EIF3E: variants seen among roughly 807,000 people sequenced by gnomAD.
EIF3E encodes eukaryotic translation initiation factor 3 subunit E, also known as eIF-3 p48.
A neutral mutation model predicts 59.3 loss-of-function variants in EIF3E; 25 were observed. The ratio of observed to expected loss-of-function variants is 0.42; its 90% CI spans 0.31 to 0.59. EIF3E has a LOEUF of 0.59. Among genes scored for constraint, EIF3E ranks in the 20% least tolerant of loss-of-function variants. The pLI, the probability that EIF3E is intolerant of heterozygous loss-of-function variation, is 0.15. For synonymous variants in EIF3E, 176 were observed against 170.2 expected (o/e 1.03, Z -0.26); for missense variants, 317 against 534.3 (o/e 0.59, Z 4.01).
intron 2 of EIF3E, among the ~76,000 whole-genome samples, chr8:108,240,756 C>T (rs1029843730): frequency 6.6e-6 from 1 of 152,132 alleles, no homozygotes; most frequent in Non-Finnish European, 1.5e-5. Context: ...CCAAGGCGGG[C>T]TGATCACGAG....
rs113378357 is a variant in EIF3E at position 108,228,192 on chromosome 8, A to C, written c.722+75T>G. The C allele has an allele frequency of 1.3e-3, 1,796 of 1,397,910 alleles. 26 individuals carry two copies. In the African/African-American group the frequency reaches 0.024, roughly 18 times the overall value. 86.6% of individuals were successfully genotyped at this position (1,397,910 alleles called of 1,614,324 possible). A position where few individuals can be genotyped will look rare whatever the true frequency, so the allele number is the denominator to read the frequency against. On this transcript the variant is annotated intron_variant, in intron 7 of 12. Transcript: ENST00000220849. ...ACAACAAATTCAAATGATAGAAAAAAGTATATTTTAAGTTTAAACAACTCC... is the reference window on the plus strand; with the variant it reads ...ACAACAAATTCAAATGATAGAAAAACGTATATTTTAAGTTTAAACAACTCC...
chr8:108,239,574 A>G (rs1023292615), intron 3 of EIF3E, among the ~76,000 whole-genome samples: 1 of 151,952 alleles, frequency 6.6e-6, no homozygotes, highest in Non-Finnish European at 1.5e-5. Context: ...TGCTTGTCCT[A>G]TGCACTGTAG....
At chr8:108,214,444 T>C (rs1270779376) in intron 10 of EIF3E, among the ~76,000 whole-genome samples, 163 bp downstream of exon 10, 5 of 152,212 alleles carry the variant, frequency 3.3e-5, no homozygotes, top group African/African-American at 1.2e-4. Context: ...TAGCAAAAGT[T>C]AGGTTTTTAA....
At chr8:108,230,654 T>G (rs1308507253) in intron 5 of EIF3E, among the ~76,000 whole-genome samples, 1 of 152,160 alleles carries the variant, frequency 6.6e-6, no homozygotes, top group African/African-American at 2.4e-5. Context: ...AAATTAAATT[T>G]TGAACCACTC....
intron 5 of EIF3E, among the ~76,000 whole-genome samples, chr8:108,233,883 C>CCTACTTA (rs1815673672): frequency 6.7e-6 from 1 of 148,388 alleles, no homozygotes; most frequent in Non-Finnish European, 1.5e-5. Flanking sequence ...ACTTTAAGTA[C>CCTACTTA]CTACTTACTA....
intron 7 of EIF3E, among the ~76,000 whole-genome samples, chr8:108,223,629 G>C (rs475865): frequency 0.52 from 79,473 of 151,994 alleles, 21,139 homozygotes; most frequent in African/African-American, 0.65. Flanking sequence ...ATAGGGCATT[G>C]TATTACAAAT....
intron 10 of EIF3E, among the ~76,000 whole-genome samples, chr8:108,206,600 A>ATG (rs1290455126): frequency 1.8e-4 from 24 of 137,120 alleles, no homozygotes; most frequent in East Asian, 1.4e-3. Context: ...GTGCACACAC[A>ATG]CACACACACA....
At chr8:108,243,438 G>T (rs1274761286) in intron 1 of EIF3E, 1 of 151,838 alleles carries the variant, frequency 6.6e-6, no homozygotes, top group South Asian at 2.1e-4. Context: ...GACCATCCTG[G>T]CTAACACGGT....
At chr8:108,225,806 G>C (rs769092574) in intron 7 of EIF3E, among the ~76,000 whole-genome samples, 4 of 151,468 alleles carry the variant, frequency 2.6e-5, no homozygotes, top group Admixed American at 6.6e-5. Context: ...TGAAAACCCA[G>C]TTGTCAATTA....
intron 1 of EIF3E, chr8:108,242,116 A>G (rs1815849628): frequency 6.9e-7 from 1 of 1,444,226 alleles, no homozygotes; most frequent in Non-Finnish European, 9.2e-7. Context: ...ACTTACCTAA[A>G]AATTTTAAAA....
chr8:108,201,972 G>GA (rs1418692392), intron 12 of EIF3E, 49 bp from the exon 13 acceptor site: 1 of 1,484,982 alleles, frequency 6.7e-7, no homozygotes, highest in South Asian at 1.4e-5. Flanking sequence ...AATACTTTCG[G>GA]AAAAAAACTA....
chr8:108,244,778 T>C (rs12682191), intron 1 of EIF3E, among the ~76,000 whole-genome samples: 1 of 152,096 alleles, frequency 6.6e-6, no homozygotes, highest in African/African-American at 2.4e-5. Flanking sequence ...TCCAACTATA[T>C]ACAATTCAGT....
chr8:108,230,961 G>A (rs1016934311), intron 5 of EIF3E, among the ~76,000 whole-genome samples: 3 of 152,066 alleles, frequency 2.0e-5, no homozygotes, highest in Non-Finnish European at 4.4e-5. Context: ...TTCTAGAACA[G>A]GCAAAACTAA....
At chr8:108,216,106 GAT>G (rs1488358761) in intron 9 of EIF3E, among the ~76,000 whole-genome samples, 1 of 152,034 alleles carries the variant, frequency 6.6e-6, no homozygotes, top group Non-Finnish European at 1.5e-5. Context: ...TGAAATTATG[GAT>G]ATGTCTGTAA....
intron 7 of EIF3E, among the ~76,000 whole-genome samples, chr8:108,225,873 T>C (rs1183018229): frequency 6.6e-6 from 1 of 152,242 alleles, no homozygotes; most frequent in East Asian, 1.9e-4. Flanking sequence ...CTCACTAATT[T>C]TGTTTTCAAA....
At chr8:108,228,507 A>C in intron 6 of EIF3E, 116 bp from the exon 7 acceptor site, 1 of 776,574 alleles carries the variant, frequency 1.3e-6, no homozygotes. Context: ...TAAGGCATGC[A>C]CGGAGGTCAT....
intron 10 of EIF3E, among the ~76,000 whole-genome samples, chr8:108,206,389 A>G (rs967656182): frequency 1.3e-5 from 2 of 152,180 alleles, no homozygotes; most frequent in Non-Finnish European, 1.5e-5. Flanking sequence ...AAATGCAAAA[A>G]GGTCTACCAG....
chr8:108,241,604 G>C (rs1224296191), intron 2 of EIF3E, among the ~76,000 whole-genome samples, 195 bp downstream of exon 2: 1 of 152,178 alleles, frequency 6.6e-6, no homozygotes, highest in Non-Finnish European at 1.5e-5. Context: ...TTTTAAAGTA[G>C]TTCCACATCT....
chr8:108,242,212 C>G (rs1233357788), intron 1 of EIF3E: 1 of 1,309,534 alleles, frequency 7.6e-7, no homozygotes, highest in South Asian at 1.2e-5. Context: ...ATCTCTTACC[C>G]TTTCTAGGCA....
Sources: gnomAD v4.1 joint callset for allele counts (sites outside exome capture counted in the v4.1 genomes callset) on GRCh38, gnomAD v4.1.1 for gene constraint, MANE v1.5 for transcripts, NCBI Gene and HGNC (gene_info 2026-07-23, HGNC 2026-07-21) for gene names.